CAT: variants seen among roughly 807,000 people sequenced by gnomAD.
CAT encodes catalase, also known as epididymis secretory sperm binding protein.
Under a neutral mutation model 59.0 loss-of-function variants are expected in CAT, and 43 were observed. The ratio of observed to expected loss-of-function variants is 0.73; its 90% CI spans 0.57 to 0.94. The LOEUF is 0.94. Among genes scored for constraint, CAT ranks in the 40% least tolerant of loss-of-function variants. CAT has a pLI of 0.00. For missense variants in CAT, 664 were observed against 682.9 expected, an observed-to-expected ratio of 0.97 and a Z score of 0.31; for synonymous variants, 218 against 230.9, an observed-to-expected ratio of 0.94 and a Z score of 0.51.
intron 1 of CAT, among the ~76,000 whole-genome samples, chr11:34,443,757 T>A (rs1856417021): frequency 1.3e-5 from 2 of 152,214 alleles, no homozygotes; most frequent in African/African-American, 2.4e-5. Flanking sequence ...TTTCTGTCAG[T>A]GAGTTGCCTA....
At chr11:34,451,966 T>C in intron 3 of CAT, 111 bp from the exon 4 acceptor site, 1 of 1,151,956 alleles carries the variant, frequency 8.7e-7, no homozygotes, top group Non-Finnish European at 1.3e-6. Flanking sequence ...CCTAATTTAG[T>C]TCTTGGAAGT....
chr11:34,445,921 C>G (rs1185532006), intron 1 of CAT, among the ~76,000 whole-genome samples: 1 of 152,154 alleles, frequency 6.6e-6, no homozygotes, highest in Non-Finnish European at 1.5e-5. Context: ...TAGTATCGCC[C>G]ATTAAATGGG....
rs201119461 is a variant in CAT at position 34,471,965 on chromosome 11, C to CT, written c.*533dup. 4.5e-3 allele frequency: 745 copies of CT among 164,412 alleles called. 7 individuals carry two copies. Among genetic ancestry groups the CT allele is most frequent in the African/African-American group, 0.017 (719 of 41,620 alleles). The allele number at this position is 164,412 out of a possible 1,614,324, so 10.2% of individuals were successfully genotyped here. On this transcript the variant is annotated 3_prime_UTR_variant, in exon 13 of 13. Coordinates refer to ENST00000241052, the MANE Select transcript of CAT (RefSeq NM_001752.4). Reference sequence around the variant, plus strand: ...TAATTGATCAAATTCATTTTTTTCACTGGAGTTACATTAATGTTAATTCAG... The same window carrying CT: ...TAATTGATCAAATTCATTTTTTTCACTTGGAGTTACATTAATGTTAATTCAG...
At chr11:34,471,140 T>A in intron 12 of CAT, 99 bp downstream of exon 12, 1 of 1,028,650 alleles carries the variant, frequency 9.7e-7, no homozygotes, top group Non-Finnish European at 1.5e-6. Flanking sequence ...CAGGGGCCAT[T>A]ACCTGCCACT....
intron 1 of CAT, among the ~76,000 whole-genome samples, chr11:34,445,016 T>G (rs1856432738): frequency 1.3e-5 from 2 of 152,336 alleles, no homozygotes; most frequent in South Asian, 4.1e-4. Context: ...GGGAGAGGGA[T>G]AGACTGTTGC....
In CAT at chr11:34,464,382, G is replaced by A. The variant is rs1192890641; in HGVS notation, c.1326+147G>A. 7 of 870,260 alleles carry A rather than the reference G, an allele frequency of 8.0e-6. No homozygotes were observed. The Admixed American group carries it at 1.3e-4, about 16-fold the overall frequency. The allele number at this position is 870,260 out of a possible 1,614,324, so 53.9% of individuals were successfully genotyped here. On this transcript the variant is annotated intron_variant, in intron 10 of 12. Coordinates refer to ENST00000241052, the MANE Select transcript of CAT (RefSeq NM_001752.4). ...AGACTCATCTGTAATAGTAAATTGG[G>A]CCCCTTACTGGGTGGAGTTGAAGGG...
At chr11:34,453,457 A>G (rs1856553105) in intron 5 of CAT, among the ~76,000 whole-genome samples, 1 of 152,230 alleles carries the variant, frequency 6.6e-6, no homozygotes, top group Non-Finnish European at 1.5e-5. Flanking sequence ...TCTGTAGTGT[A>G]AGGTAAAGCT....
Position 34,452,058 on chromosome 11 carries a change from T to C in CAT, c.350-19T>C. On this transcript the variant is annotated intron_variant, in intron 3 of 12. Transcript: ENST00000241052. ...AAGTGCTGTGGCTTATGCTTCCTGT[T>C]TCCATTTGAATATTGTAGCTGGAGA... The C allele has an allele frequency of 6.2e-7, 1 of 1,613,914 alleles. No homozygotes were observed. Among genetic ancestry groups the C allele is most frequent in the South Asian group, 1.1e-5 (1 of 91,078 alleles).
At chr11:34,458,197 CAGG>C (rs1459539046) in intron 8 of CAT, among the ~76,000 whole-genome samples, 1 of 152,156 alleles carries the variant, frequency 6.6e-6, no homozygotes, top group Admixed American at 6.5e-5. Flanking sequence ...TAAAATGCGG[CAGG>C]AGAAGGACAT....
intron 6 of CAT, among the ~76,000 whole-genome samples, chr11:34,454,328 G>T (rs1856564646): frequency 6.6e-6 from 1 of 152,172 alleles, no homozygotes; most frequent in Non-Finnish European, 1.5e-5. Context: ...GTTACATCTG[G>T]GGAGGGTTTT....
intron 2 of CAT, among the ~76,000 whole-genome samples, 188 bp downstream of exon 2, chr11:34,449,551 T>C (rs965288445): frequency 8.5e-5 from 13 of 152,236 alleles, no homozygotes; most frequent in Non-Finnish European, 1.8e-4. Flanking sequence ...AAACATTATA[T>C]ATAAAATAGT....
At position 34,456,022 on chromosome 11, in the gene CAT, C is replaced by T; in HGVS notation, c.723C>T (p.Gly241=). ...YCKFHYKTDQ[G]IKNLSVEDAA... is the part of the protein sequence containing the mutation. ...CTTTCATTTTGTAGACTGACCAGGG[C>T]ATCAAAAACCTTTCTGTTGAAGATG... is the stretch of plus-strand genomic sequence containing the variant. The change falls in exon 7 of 13, where the codon GGC becomes GGT. Residue 241 remains glycine (G), a synonymous_variant. Transcript: ENST00000241052. 6.2e-7 allele frequency: 1 copy of T among 1,613,908 alleles called. No individual in the cohort carries two copies. The highest frequency in any genetic ancestry group is 8.5e-7 in the Non-Finnish European group (1 of 1,179,878).
At position 34,452,200 on chromosome 11, in the gene CAT, C is replaced by G. The variant is rs776487657; in HGVS notation, c.473C>G (p.Pro158Arg). The part of the protein sequence containing the change: ...NNTPIFFIRD[P>R]ILFPSFIHSQ... ...ACCCCCATTTTCTTCATCAGGGATC[C>G]CATATTGGTAGGTAATAGAGTATTT... Residue 158 changes from proline (P) to arginine (R), a missense_variant, in exon 4 of 13, where the codon CCC becomes CGC. Pro to Arg is a moderately radical substitution (Grantham distance 103). Coordinates refer to ENST00000241052, the MANE Select transcript of CAT (RefSeq NM_001752.4). 3 of 1,613,520 alleles carry G rather than the reference C, an allele frequency of 1.9e-6. No homozygotes were observed. The highest frequency in any genetic ancestry group is 2.2e-5 in the East Asian group (1 of 44,870).
chr11:34,443,577 T>TTA (rs1283102981), intron 1 of CAT, among the ~76,000 whole-genome samples: 1 of 152,070 alleles, frequency 6.6e-6, no homozygotes, highest in Non-Finnish European at 1.5e-5. Context: ...TTTCCTTTTT[T>TTA]TTTTTTTAAG....
In CAT at chr11:34,461,303, A is replaced by G. The variant is rs1269909487; in HGVS notation, c.1109A>G (p.Tyr370Cys). The change falls in exon 9 of 13, where the codon TAT (tyrosine) becomes TGT (cysteine). Residue 370 changes from tyrosine (Y) to cysteine (C), a missense_variant. Transcript: ENST00000241052. ...CACCGCCATCGCCTGGGACCCAATT[A>G]TCTTCATATACCTGTGAACTGTCCC... ...DTHRHRLGPNYLHIPVNCPYR... is the reference protein window; with the variant it reads ...DTHRHRLGPNCLHIPVNCPYR... The G allele has an allele frequency of 6.2e-7, 1 of 1,614,184 alleles. No homozygotes were observed. Among genetic ancestry groups the G allele is most frequent in the Middle Eastern group, 1.6e-4 (1 of 6,062 alleles).
chr11:34,454,020 A>G (rs1856561594), intron 6 of CAT, 94 bp downstream of exon 6: 1 of 1,363,922 alleles, frequency 7.3e-7, no homozygotes, highest in Non-Finnish European at 1.0e-6. Flanking sequence ...GGCTTCTCCC[A>G]CTTTTCCCTC....
chr11:34,446,473 A>G (rs2133179122), intron 1 of CAT, among the ~76,000 whole-genome samples: 1 of 152,334 alleles, frequency 6.6e-6, no homozygotes, highest in Non-Finnish European at 1.5e-5. Context: ...AGTCAGTGTC[A>G]TCAGGAAAGA....
chr11:34,466,735 C>T (rs1364289851), intron 10 of CAT, among the ~76,000 whole-genome samples: 9 of 137,184 alleles, frequency 6.6e-5, no homozygotes, highest in Admixed American at 1.6e-4. Flanking sequence ...GAGCCGAGAT[C>T]GCGCCACTGC....
In CAT at chr11:34,439,010, C is replaced by G; in HGVS notation, c.-4C>G. The G allele has an allele frequency of 6.3e-7, 1 of 1,588,216 alleles. No individual in the cohort carries two copies. The highest frequency in any genetic ancestry group is 1.1e-5 in the South Asian group (1 of 87,688). On this transcript the variant is annotated 5_prime_UTR_variant, in exon 1 of 13. Coordinates refer to ENST00000241052, the MANE Select transcript of CAT (RefSeq NM_001752.4). ...GCAGTGTTCTGCACAGCAAACCGCA[C>G]GCTATGGCTGACAGCCGGGATCCCG...
Sources: gnomAD v4.1 joint callset for allele counts (sites outside exome capture counted in the v4.1 genomes callset) on GRCh38, gnomAD v4.1.1 for gene constraint, MANE v1.5 for transcripts, NCBI Gene and HGNC (gene_info 2026-07-23, HGNC 2026-07-21) for gene names.